The following AUTS2 variants were observed in gnomAD, a reference collection of about 807,000 sequenced individuals.
The protein encoded by AUTS2 is autism susceptibility gene 2 protein.
A neutral mutation model predicts 112.4 loss-of-function variants in AUTS2; 17 were observed. The observed-to-expected ratio is 0.15, with a 90% CI of 0.10 to 0.23. The LOEUF (loss-of-function observed/expected upper bound fraction) is 0.23. AUTS2 is among the 10% of genes least tolerant of loss of function. The probability of loss-of-function intolerance (pLI) is 1.00; values close to 1 mark genes in which losing one functional copy is unlikely to be tolerated. For synonymous variants in AUTS2, 751 were observed against 702.7 expected (o/e 1.07, Z -1.09); for missense variants, 1,510 against 1,701.6 (o/e 0.89, Z 1.98).
At chr7:69,949,022 G>A (rs1796926878) in intron 2 of AUTS2, among the ~76,000 whole-genome samples, 1 of 152,028 alleles carries the variant, frequency 6.6e-6, no homozygotes, top group Non-Finnish European at 1.5e-5. Flanking sequence ...GGCCAGGCTG[G>A]TCTCGAGCTC....
intron 6 of AUTS2, among the ~76,000 whole-genome samples, chr7:70,735,012 A>C (rs1255403566): frequency 6.6e-6 from 1 of 152,134 alleles, no homozygotes; most frequent in Non-Finnish European, 1.5e-5. Flanking sequence ...GGAGGAAAAA[A>C]AAAAAAGAAG....
At chr7:69,858,644 T>TG (rs1792842832) in intron 1 of AUTS2, among the ~76,000 whole-genome samples, 1 of 152,190 alleles carries the variant, frequency 6.6e-6, no homozygotes, top group African/African-American at 2.4e-5. Flanking sequence ...TCCCATGTGA[T>TG]GCTTTGATTG....
At chr7:70,211,370 CCGGG>C (rs1810880284) in intron 4 of AUTS2, among the ~76,000 whole-genome samples, 1 of 151,116 alleles carries the variant, frequency 6.6e-6, no homozygotes, top group Non-Finnish European at 1.5e-5. Context: ...GACTTTCTGG[CCGGG>C]CGCGGTGGTT....
At chr7:69,749,641 G>T (rs753154064) in intron 1 of AUTS2, among the ~76,000 whole-genome samples, 1 of 152,164 alleles carries the variant, frequency 6.6e-6, no homozygotes, top group African/African-American at 2.4e-5. Flanking sequence ...ACCATTTTGC[G>T]CTTTGCGGCT....
Position 70,764,876 on chromosome 7 carries a change from A to G in AUTS2, c.1339A>G (p.Thr447Ala), listed in dbSNP as rs762261704. Residue 447 changes from threonine to alanine, a missense_variant, in exon 8 of 19, where the codon ACC becomes GCC. This residue lies in a region of AUTS2 where 535 missense variants were observed against 594.3 expected (regional missense o/e 0.90). Transcript: ENST00000342771. The stretch of plus-strand genomic sequence containing the variant: ...CAGCCCCCTGCACAGCTTCACACCC[A>G]CCCTCCAGCCCCCCGCACACTCACA... ...NHSPLHSFTP[T>A]LQPPAHSHHP... The G allele has an allele frequency of 1.3e-6, 1 of 773,018 alleles. No individual in the cohort carries two copies. Among genetic ancestry groups the G allele is most frequent in the Non-Finnish European group, 1.7e-6 (1 of 600,364 alleles). 47.9% of individuals were successfully genotyped at this position (773,018 alleles called of 1,614,324 possible). A position where few individuals can be genotyped will look rare whatever the true frequency, so the allele number is the denominator to read the frequency against.
At chr7:69,870,448 A>AATATATATATATATATATATATATAT (rs11467258) in intron 1 of AUTS2, among the ~76,000 whole-genome samples, 11,715 of 76,930 alleles carry the variant, frequency 0.15, 2,011 homozygotes, top group Non-Finnish European at 0.19. Flanking sequence ...ATGTGTGTGT[A>AATATATATATATATATATATATATAT]ATATATATAT....
chr7:69,859,418 A>T (rs1792877660), intron 1 of AUTS2, among the ~76,000 whole-genome samples: 1 of 152,330 alleles, frequency 6.6e-6, no homozygotes, highest in Non-Finnish European at 1.5e-5. Context: ...TATTCCAAAA[A>T]CTGACCTCAG....
chr7:70,294,192 A>G (rs1788832507), intron 4 of AUTS2: 1 of 152,272 alleles, frequency 6.6e-6, no homozygotes, highest in Non-Finnish European at 1.5e-5. Context: ...TAGCTGGAAG[A>G]TGATGGCAAT....
chr7:70,059,139 C>A (rs1387458895), intron 2 of AUTS2, among the ~76,000 whole-genome samples: 2 of 152,164 alleles, frequency 1.3e-5, no homozygotes, highest in Admixed American at 6.5e-5. Flanking sequence ...AAAATAGTTT[C>A]ATTGCCCTAA....
intron 5 of AUTS2, among the ~76,000 whole-genome samples, chr7:70,697,088 C>T (rs1251878682): frequency 1.3e-5 from 2 of 152,176 alleles, no homozygotes; most frequent in Non-Finnish European, 2.9e-5. Flanking sequence ...GGCTTTATAA[C>T]TCACTATTCT....
intron 4 of AUTS2, among the ~76,000 whole-genome samples, chr7:70,365,984 T>A (rs1792551346): frequency 6.6e-6 from 1 of 152,236 alleles, no homozygotes; most frequent in Admixed American, 6.5e-5. Flanking sequence ...ATCTTTTGGG[T>A]ACCTACCATA....
chr7:69,850,616 A>G (rs1792436580), intron 1 of AUTS2, among the ~76,000 whole-genome samples: 2 of 152,168 alleles, frequency 1.3e-5, no homozygotes, highest in East Asian at 1.9e-4. Flanking sequence ...GATGGCAGAC[A>G]TTTTTATGTG....
chr7:70,511,087 T>G (rs1455121458), intron 5 of AUTS2, among the ~76,000 whole-genome samples: 1 of 151,916 alleles, frequency 6.6e-6, no homozygotes, highest in Non-Finnish European at 1.5e-5. Flanking sequence ...GACCTTAGTT[T>G]ATCTGCCCGC....
intron 2 of AUTS2, among the ~76,000 whole-genome samples, chr7:69,912,904 T>C (rs930649206): frequency 2.6e-5 from 4 of 152,234 alleles, no homozygotes; most frequent in African/African-American, 9.6e-5. Context: ...TCTAGATTAG[T>C]GCAGCATTAT....
intron 1 of AUTS2, among the ~76,000 whole-genome samples, chr7:69,689,584 C>T (rs1174862631): frequency 6.7e-6 from 1 of 150,078 alleles, no homozygotes; most frequent in Admixed American, 6.6e-5. Flanking sequence ...TCGTGATCTG[C>T]CTGCCTTGGC....
chr7:69,727,374 G>A (rs1319859474), intron 1 of AUTS2, among the ~76,000 whole-genome samples: 2 of 151,924 alleles, frequency 1.3e-5, no homozygotes, highest in African/African-American at 2.4e-5. Context: ...GGTGGATCAC[G>A]AGGTCAGGAG....
intron 4 of AUTS2, chr7:70,290,291 AC>A (rs1248743139): frequency 6.0e-6 from 8 of 1,330,112 alleles, no homozygotes; most frequent in African/African-American, 1.5e-5. Context: ...TGTAAAAAAA[AC>A]ATTTAGCACA....
At chr7:69,874,656 A>ATTTTTT (rs575761682) in intron 1 of AUTS2, among the ~76,000 whole-genome samples, 5 of 149,356 alleles carry the variant, frequency 3.3e-5, no homozygotes, top group African/African-American at 1.2e-4. Flanking sequence ...CATTGCATCT[A>ATTTTTT]TTTTTTTTTT....
rs1800523688 is a variant in AUTS2, at chr7:70,026,347, C to T, written c.523-91785C>T. Among the ~76,000 whole-genome samples, 5 of 152,294 alleles carry T rather than the reference C, an allele frequency of 3.3e-5. No homozygotes were observed. The South Asian group carries it at 8.3e-4, about 25-fold the overall frequency. ...AGCAGCTATTTCTAGGCTGTTGGCACTTTGAAGTGGAATTGGGCAGACAGA... is the reference window on the plus strand; with the variant it reads ...AGCAGCTATTTCTAGGCTGTTGGCATTTTGAAGTGGAATTGGGCAGACAGA... On this transcript the variant is annotated intron_variant, in intron 2 of 18. Transcript: ENST00000342771.
Sources: gnomAD v4.1 joint callset for allele counts (sites outside exome capture counted in the v4.1 genomes callset) on GRCh38, gnomAD v4.1.1 for gene constraint, gnomAD v4.1.1 regional missense constraint, MANE v1.5 for transcripts, NCBI Gene and HGNC (gene_info 2026-07-23, HGNC 2026-07-21) for gene names.